The following COL11A1 variants were observed in gnomAD, a reference collection of about 807,000 sequenced individuals.
COL11A1 encodes the protein collagen type XI alpha 1 chain.
COL11A1 carries 74 observed loss-of-function variants against 265.2 expected under a neutral mutation model. The ratio of observed to expected loss-of-function variants is 0.28; its 90% CI spans 0.23 to 0.34. The LOEUF (loss-of-function observed/expected upper bound fraction) is 0.34, where lower values mean the gene tolerates loss of function less well. COL11A1 is among the 10% of genes least tolerant of loss of function. COL11A1 has a pLI of 1.00. For synonymous variants in COL11A1, 816 were observed against 727.6 expected, an observed-to-expected ratio of 1.12 and a Z score of -1.96; for missense variants, 2,165 against 2,263.6, an observed-to-expected ratio of 0.96 and a Z score of 0.88.
intron 4 of COL11A1, among the ~76,000 whole-genome samples, chr1:103,033,577 AAC>A (rs35540936): frequency 0.081 from 12,286 of 152,108 alleles, 557 homozygotes; most frequent in Middle Eastern, 0.16. Flanking sequence ...TGAGCCTATC[AAC>A]ACAGTTTTAT....
chr1:102,974,531 A>G lies in COL11A1; in HGVS notation c.2808+299T>C, dbSNP rs181336436. Among the ~76,000 whole-genome samples the G allele has an allele frequency of 4.7e-4, 71 of 152,314 alleles. No homozygotes were observed. In the South Asian group the frequency reaches 8.3e-3, roughly 18 times the overall value. On this transcript the variant is annotated intron_variant, in intron 36 of 66. Coordinates refer to ENST00000370096, the MANE Select transcript of COL11A1 (RefSeq NM_001854.4). ...TACCAAATATTTAAGAGTTGATAAC[A>G]ATTTGTAATGTCATCAATTATATTC...
chr1:102,921,859 A>G (rs1471501590), intron 47 of COL11A1, among the ~76,000 whole-genome samples: 5 of 152,246 alleles, frequency 3.3e-5, no homozygotes, highest in East Asian at 1.9e-4. Flanking sequence ...CAATATAACT[A>G]GATATATTTC....
chr1:102,971,397 C>G (rs117329818), intron 36 of COL11A1, among the ~76,000 whole-genome samples: 1 of 152,196 alleles, frequency 6.6e-6, no homozygotes, highest in East Asian at 1.9e-4. Context: ...GTAACCATTA[C>G]GTATCAAGTT....
At chr1:102,985,327 GT>G (rs1317428843) in intron 30 of COL11A1, among the ~76,000 whole-genome samples, 4 of 152,002 alleles carry the variant, frequency 2.6e-5, no homozygotes, top group African/African-American at 9.7e-5. Flanking sequence ...TAAGAACATG[GT>G]TTATGACCTT....
Position 102,914,314 on chromosome 1 carries a change from A to C in COL11A1, c.3978+38T>G, listed in dbSNP as rs28648038. On this transcript the variant is annotated intron_variant, in intron 52 of 66. Coordinates refer to ENST00000370096, the MANE Select transcript of COL11A1 (RefSeq NM_001854.4). ...AACAATACAGAAATTGGAAACATTC[A>C]CTCCAAAATAATTTCTTGATTTTTC... The C allele has an allele frequency of 0.11, 170,166 of 1,484,264 alleles. 10,687 individuals are homozygous for C. The highest frequency in any genetic ancestry group is 0.13 in the Non-Finnish European group (138,572 of 1,065,288). The allele number at this position is 1,484,264 out of a possible 1,614,324, so 91.9% of individuals were successfully genotyped here.
rs576438639 is a variant in COL11A1 at position 103,018,748 on chromosome 1, C to T, written c.1350+70G>A. 4.8e-3 allele frequency: 5,597 copies of T among 1,175,022 alleles called. 26 individuals are homozygous for T. Among genetic ancestry groups the T allele is most frequent in the Non-Finnish European group, 5.7e-3 (4,571 of 800,464 alleles). The allele number at this position is 1,175,022 out of a possible 1,614,324, so 72.8% of individuals were successfully genotyped here. Reference sequence around the variant, plus strand: ...CTAATTAGTCTAAAATGTTCTCATTCAGTAATTAATAGAAATCTTATATAT... The same window carrying T: ...CTAATTAGTCTAAAATGTTCTCATTTAGTAATTAATAGAAATCTTATATAT... On this transcript the variant is annotated intron_variant, in intron 10 of 66. Transcript: ENST00000370096.
rs1406763131 is a variant in COL11A1 at position 102,929,152 on chromosome 1, A to G, written c.3600+5297T>C. 2.5e-4 allele frequency among the ~76,000 whole-genome samples: 34 copies of G among 134,166 alleles called. 1 individual carries two copies. In the East Asian group the frequency reaches 7.9e-3, roughly 31 times the overall value. The allele number at this position is 134,166 out of a possible 152,430, so 88.0% of individuals were successfully genotyped here. The stretch of plus-strand genomic sequence containing the variant: ...TGCCATTGCTTTTGGTGTTTTAGAC[A>G]TGAAGTCCTTGCCCATGCCTATGTC... On this transcript the variant is annotated intron_variant, in intron 46 of 66. Coordinates refer to ENST00000370096, the MANE Select transcript of COL11A1 (RefSeq NM_001854.4).
rs186616400 is a variant in COL11A1 at position 102,979,879 on chromosome 1, C to A, written c.2557-444G>T. On this transcript the variant is annotated intron_variant, in intron 31 of 66. Transcript: ENST00000370096. Reference sequence around the variant, plus strand: ...TAATATTATCATATGTCTATAGTTACCACTTTTGAGTTGAGTATTTTTACA... The same window carrying A: ...TAATATTATCATATGTCTATAGTTAACACTTTTGAGTTGAGTATTTTTACA... Among the ~76,000 whole-genome samples the A allele has an allele frequency of 3.8e-3, 573 of 152,136 alleles. 9 individuals carry two copies. The highest frequency in any genetic ancestry group is 6.6e-3 in the Admixed American group (101 of 15,266).
At position 103,009,340 on chromosome 1, in the gene COL11A1, A is replaced by G. The variant is rs138201626; in HGVS notation, c.1630-824T>C. Among the ~76,000 whole-genome samples, 45 of 152,230 alleles carry G rather than the reference A, an allele frequency of 3.0e-4. No individual in the cohort carries two copies. The East Asian group carries it at 7.0e-3, about 24-fold the overall frequency. On this transcript the variant is annotated intron_variant, in intron 14 of 66. Coordinates refer to ENST00000370096, the MANE Select transcript of COL11A1 (RefSeq NM_001854.4). ...GAGACAGAAGAATTGCTTGAAACGG[A>G]CAGGCAGAGCTTGCAGAGAGCCAAG...
chr1:103,049,376 T>A (rs952975524), intron 4 of COL11A1, among the ~76,000 whole-genome samples: 2 of 152,218 alleles, frequency 1.3e-5, no homozygotes, highest in Non-Finnish European at 2.9e-5. Flanking sequence ...TCTCTTTTGA[T>A]CTTTGTTGGT....
chr1:103,106,547 C>A (rs912584643), intron 1 of COL11A1, among the ~76,000 whole-genome samples: 6 of 152,222 alleles, frequency 3.9e-5, no homozygotes, highest in African/African-American at 1.4e-4. Context: ...CCAATCCAAC[C>A]GGTGACCAGG....
intron 8 of COL11A1, among the ~76,000 whole-genome samples, chr1:103,022,379 G>A (rs1667165915): frequency 6.6e-6 from 1 of 151,686 alleles, no homozygotes; most frequent in Non-Finnish European, 1.5e-5. Flanking sequence ...TTATTCCCAG[G>A]CATTAAGAAA....
At chr1:103,052,490 T>C (rs1669910447) in intron 4 of COL11A1, among the ~76,000 whole-genome samples, 1 of 152,222 alleles carries the variant, frequency 6.6e-6, no homozygotes, top group Non-Finnish European at 1.5e-5. Flanking sequence ...CTTTTATTTT[T>C]ACTACTCTAG....
At chr1:102,928,686 G>T (rs929317329) in intron 46 of COL11A1, among the ~76,000 whole-genome samples, 4 of 148,070 alleles carry the variant, frequency 2.7e-5, no homozygotes, top group African/African-American at 9.9e-5. Context: ...TTCGACAATG[G>T]TTGAACTAGT....
At chr1:102,940,262 C>G (rs1160226287) in intron 43 of COL11A1, 65 bp downstream of exon 43, 1 of 1,282,336 alleles carries the variant, frequency 7.8e-7, no homozygotes, top group African/African-American at 1.5e-5. Context: ...TTAGAATTAT[C>G]TAGAATTCTT....
intron 37 of COL11A1, among the ~76,000 whole-genome samples, 161 bp downstream of exon 37, chr1:102,970,058 T>TTATATC (rs1553221561): frequency 6.6e-6 from 1 of 150,590 alleles, no homozygotes; most frequent in African/African-American, 2.4e-5. Flanking sequence ...ATTTTTGTAT[T>TTATATC]TATATATATA....
At chr1:102,952,488 G>C (rs1488838380) in intron 41 of COL11A1, among the ~76,000 whole-genome samples, 1 of 152,154 alleles carries the variant, frequency 6.6e-6, no homozygotes, top group Non-Finnish European at 1.5e-5. Flanking sequence ...TTGTCATCTT[G>C]CTTGTGGAAG....
intron 62 of COL11A1, 65 bp downstream of exon 62, chr1:102,888,512 G>C: frequency 6.8e-7 from 1 of 1,468,124 alleles, no homozygotes; most frequent in Non-Finnish European, 9.5e-7. Flanking sequence ...TATAAGTTCA[G>C]AGAAATCATT....
intron 52 of COL11A1, 76 bp from the exon 53 acceptor site, chr1:102,913,766 AT>A: frequency 7.9e-7 from 1 of 1,258,704 alleles, no homozygotes. Flanking sequence ...GGAAAAAAGT[AT>A]GTTAGGCCAT....
Sources: gnomAD v4.1 joint callset for allele counts (sites outside exome capture counted in the v4.1 genomes callset) on GRCh38, gnomAD v4.1.1 for gene constraint, MANE v1.5 for transcripts, NCBI Gene and HGNC (gene_info 2026-07-23, HGNC 2026-07-21) for gene names.